Variants in PCDH11X observed in about 807,000 individuals in gnomAD.
PCDH11X encodes protocadherin 11 X-linked, also known as protocadherin-11 X-linked.
A neutral mutation model predicts 53.3 loss-of-function variants in PCDH11X; 18 were observed. The ratio of observed to expected loss-of-function variants is 0.34; its 90% confidence interval spans 0.23 to 0.50. The LOEUF (loss-of-function observed/expected upper bound fraction) is 0.50, where lower values mean the gene tolerates loss of function less well. PCDH11X is among the 20% of genes least tolerant of loss of function. The pLI is 0.98. For missense variants in PCDH11X, 570 were observed against 1,032.4 expected, an observed-to-expected ratio of 0.55 and a Z score of 6.14; for synonymous variants, 279 against 393.3, an observed-to-expected ratio of 0.71 and a Z score of 3.44.
At chrX:92,300,485 T>G (rs1256355121) in intron 8 of PCDH11X, among the ~76,000 whole-genome samples, 1 of 110,559 alleles carries the variant, frequency 9.0e-6, no homozygotes, top group Non-Finnish European at 1.9e-5. Flanking sequence ...ATTGTTGGTT[T>G]GTTTGTTTGT....
intron 6 of PCDH11X, among the ~76,000 whole-genome samples, chrX:91,975,038 C>CG (rs1441801444): frequency 9.0e-6 from 1 of 111,019 alleles, no homozygotes. Flanking sequence ...AGGCATGAGC[C>CG]GCCACGCCTG....
chrX:91,844,911 G>A (rs1391707540), intron 5 of PCDH11X, among the ~76,000 whole-genome samples: 1 of 109,612 alleles, frequency 9.1e-6, no homozygotes, highest in African/African-American at 3.3e-5. Context: ...CAAAGTAAAT[G>A]GTTAACAGAA....
intron 6 of PCDH11X, among the ~76,000 whole-genome samples, chrX:92,072,981 A>G (rs1352013929): frequency 1.8e-5 from 2 of 111,512 alleles, no homozygotes; most frequent in African/African-American, 6.5e-5. Flanking sequence ...AACAACTGGG[A>G]TGGCAGATTC....
At chrX:92,176,585 A>G (rs5942140) in intron 6 of PCDH11X, among the ~76,000 whole-genome samples, 55,687 of 110,756 alleles carry the variant, frequency 0.5, 10,597 homozygotes, top group Non-Finnish European at 0.6. Context: ...TCAAACTGTC[A>G]AATAATGAAC....
chrX:91,781,226 A>G (rs1935127821), intron 1 of PCDH11X, among the ~76,000 whole-genome samples: 1 of 112,000 alleles, frequency 8.9e-6, no homozygotes. Flanking sequence ...GAAACATCAC[A>G]AAATGGGATT....
chrX:92,353,787 A>T, intron 8 of PCDH11X, among the ~76,000 whole-genome samples: 1 of 110,829 alleles, frequency 9.0e-6, no homozygotes, highest in South Asian at 3.8e-4. Context: ...ACTGCTATCA[A>T]TGTTATTTAT....
At chrX:92,541,712 A>T (rs1272713415) in intron 10 of PCDH11X, among the ~76,000 whole-genome samples, 1 of 107,901 alleles carries the variant, frequency 9.3e-6, no homozygotes, top group Non-Finnish European at 1.9e-5. Flanking sequence ...TAAAAAAAAA[A>T]ACTATTCAAC....
intron 9 of PCDH11X, among the ~76,000 whole-genome samples, chrX:92,456,087 A>G (rs960814300): frequency 4.5e-5 from 5 of 112,163 alleles, no homozygotes; most frequent in Admixed American, 3.8e-4. Flanking sequence ...TCTTTGTACA[A>G]CAGAGTACAA....
In PCDH11X at chrX:91,899,241, A is replaced by G. The variant is rs573396834; in HGVS notation, c.3033+19968A>G. Among the ~76,000 whole-genome samples, 119 of 110,847 alleles carry G rather than the reference A, an allele frequency of 1.1e-3. 3 individuals carry two copies. The South Asian group carries it at 0.047, about 44-fold the overall frequency. ...CTGTGGTCGAAGGTCCAAGAGTCCA[A>G]AAGCTGAAGAACTTGAAGTCCGATG... On this transcript the variant is annotated intron_variant, in intron 6 of 10. Coordinates refer to ENST00000682573, the MANE Select transcript of PCDH11X (RefSeq NM_032968.5).
At chrX:92,132,841 T>C (rs2065019853) in intron 6 of PCDH11X, among the ~76,000 whole-genome samples, 1 of 107,788 alleles carries the variant, frequency 9.3e-6, no homozygotes, top group African/African-American at 3.3e-5. Flanking sequence ...CAGTTTGTTC[T>C]AATGTAAATA....
At chrX:92,304,906 A>G (rs2068793878) in intron 8 of PCDH11X, among the ~76,000 whole-genome samples, 1 of 112,136 alleles carries the variant, frequency 8.9e-6, no homozygotes, top group South Asian at 3.6e-4. Flanking sequence ...ATAAACTTAG[A>G]AAAATGACAG....
chrX:92,211,944 G>A (rs1160107700), intron 7 of PCDH11X, among the ~76,000 whole-genome samples: 3 of 108,754 alleles, frequency 2.8e-5, no homozygotes, highest in African/African-American at 1.0e-4. Flanking sequence ...GTTAGACTAT[G>A]CTTGGGCAAT....
chrX:92,158,335 C>A (rs1265781190), intron 6 of PCDH11X, among the ~76,000 whole-genome samples: 12 of 110,472 alleles, frequency 1.1e-4, no homozygotes, highest in Admixed American at 9.7e-4. Context: ...CATGGAGAAA[C>A]CCCATCTCTA....
intron 6 of PCDH11X, among the ~76,000 whole-genome samples, chrX:92,140,847 G>A (rs1407802225): frequency 6.3e-4 from 70 of 110,867 alleles, no homozygotes; most frequent in East Asian, 5.7e-4. Flanking sequence ...CAATCTAAGA[G>A]GTACCTGAGA....
intron 6 of PCDH11X, among the ~76,000 whole-genome samples, chrX:91,908,650 A>G (rs1387431859): frequency 1.8e-5 from 2 of 108,483 alleles, no homozygotes; most frequent in Admixed American, 2.0e-4. Context: ...TTAAAAATAC[A>G]CAGATTAGCT....
chrX:91,794,982 T>A (rs1161278801), intron 1 of PCDH11X, among the ~76,000 whole-genome samples: 1 of 108,308 alleles, frequency 9.2e-6, no homozygotes, highest in Non-Finnish European at 1.9e-5. Context: ...CTGCCATCTA[T>A]ATAAGATGTG....
At chrX:92,254,236 G>C (rs2067517858) in intron 7 of PCDH11X, among the ~76,000 whole-genome samples, 1 of 111,569 alleles carries the variant, frequency 9.0e-6, no homozygotes, top group African/African-American at 3.3e-5. Context: ...TGATTGGTTT[G>C]TGTACATTGG....
In PCDH11X at chrX:92,209,246, C is replaced by T. The variant is rs1038975076; in HGVS notation, c.3114+7791C>T. Among the ~76,000 whole-genome samples the T allele has an allele frequency of 5.4e-5, 6 of 111,768 alleles. No individual in the cohort carries two copies. The South Asian group carries it at 1.1e-3, about 21-fold the overall frequency. On this transcript the variant is annotated intron_variant, in intron 7 of 10. Transcript: ENST00000682573. ...TCATTCTAGCTATTAACTAAAAATT[C>T]GAAGTCCAAACTCTCATCTGAGATA...
chrX:92,608,909 T>C (rs1001648677), intron 10 of PCDH11X, among the ~76,000 whole-genome samples: 8 of 111,046 alleles, frequency 7.2e-5, no homozygotes, highest in African/African-American at 2.6e-4. Context: ...CAACATTACC[T>C]GAATTCCCAG....
Sources: allele counts gnomAD v4.1 joint callset (sites outside exome capture counted in the v4.1 genomes callset), GRCh38; gene constraint gnomAD v4.1.1; transcripts MANE v1.5; gene names NCBI Gene and HGNC (gene_info 2026-07-23, HGNC 2026-07-21).